The following MTO1 variants were observed in gnomAD, a reference collection of about 807,000 sequenced individuals.
The protein encoded by MTO1 is 5-taurinomethyluridine-[tRNA] synthase subunit MTO1, mitochondrial.
A neutral mutation model predicts 71.6 loss-of-function variants in MTO1; 46 were observed. That is an observed-to-expected ratio of 0.64 (90% CI 0.51 to 0.82). MTO1 has a LOEUF of 0.82. Ranked by LOEUF, MTO1 falls within the 40% of genes least tolerant of loss-of-function variation. MTO1 has a pLI of 0.00. For missense variants in MTO1, 773 were observed against 867.5 expected, an observed-to-expected ratio of 0.89 and a Z score of 1.37; for synonymous variants, 297 against 312.1, an observed-to-expected ratio of 0.95 and a Z score of 0.51.
At chr6:73,468,683 C>T (rs1245941016) in intron 3 of MTO1, among the ~76,000 whole-genome samples, 1 of 151,938 alleles carries the variant, frequency 6.6e-6, no homozygotes, top group Non-Finnish European at 1.5e-5. Flanking sequence ...TCTTGGCTCA[C>T]TGCAACCTCC....
intron 7 of MTO1, 99 bp downstream of exon 7, chr6:73,480,904 A>G (rs12204785): frequency 0.017 from 21,191 of 1,283,796 alleles, 204 homozygotes; most frequent in South Asian, 0.022. Context: ...CTTAGATACA[A>G]TTCATACTAA....
chr6:73,482,474 C>A lies in MTO1; in HGVS notation c.1491C>A (p.Ser497=). ...LRGYKDAGCV[S]QQRYERACWM... is the part of the protein sequence containing the mutation. ...GGTATAAAGACGCTGGCTGTGTGTCCCAACAACGATATGAAAGAGCTTGTT... is the reference window on the plus strand; with the variant it reads ...GGTATAAAGACGCTGGCTGTGTGTCACAACAACGATATGAAAGAGCTTGTT... The change falls in exon 9 of 12, where the codon TCC becomes TCA. Residue 497 remains serine (S), a synonymous_variant. Transcript: ENST00000498286. The A allele has an allele frequency of 2.5e-6, 4 of 1,613,104 alleles. No homozygotes were observed. The highest frequency in any genetic ancestry group is 1.8e-4 in the Middle Eastern group (1 of 5,714).
At chr6:73,484,267 A>G (rs1013113386) in intron 9 of MTO1, among the ~76,000 whole-genome samples, 3 of 152,206 alleles carry the variant, frequency 2.0e-5, no homozygotes, top group Non-Finnish European at 4.4e-5. Context: ...TCAGACTGCT[A>G]TAACAAAACA....
chr6:73,499,151 A>G (rs1772084342), intron 11 of MTO1, among the ~76,000 whole-genome samples: 1 of 152,204 alleles, frequency 6.6e-6, no homozygotes, highest in South Asian at 2.1e-4. Context: ...AAAATTTGAA[A>G]AAAACTATTT....
Position 73,473,513 on chromosome 6 carries a change from A to G in MTO1, c.684A>G (p.Leu228=). The G allele has an allele frequency of 3.1e-6, 5 of 1,614,076 alleles. No homozygotes were observed. The highest frequency in any genetic ancestry group is 1.7e-6 in the Non-Finnish European group (2 of 1,180,020). Residue 228 remains leucine (L), a synonymous_variant, in exon 4 of 12, where the codon TTA becomes TTG. Coordinates refer to ENST00000498286, the MANE Select transcript of MTO1 (RefSeq NM_012123.4). ...SIGLAQTLEK[L]GFVVGRLKTG... is the part of the protein sequence containing the mutation. ...GATTGGCTCAGACACTGGAGAAGTT[A>G]GGGTTTGTGGTGGGAAGGTTGAAGA... is the stretch of plus-strand genomic sequence containing the variant.
chr6:73,473,147 C>T (rs944586474), intron 3 of MTO1, among the ~76,000 whole-genome samples: 1 of 152,092 alleles, frequency 6.6e-6, no homozygotes, highest in Non-Finnish European at 1.5e-5. Context: ...AGCGTGGTGG[C>T]GCATGCCTGT....
intron 9 of MTO1, among the ~76,000 whole-genome samples, chr6:73,489,391 T>G (rs1771745216): frequency 6.6e-6 from 1 of 151,746 alleles, no homozygotes; most frequent in East Asian, 1.9e-4. Context: ...ACCTGTTAAC[T>G]CGACATTTAC....
At chr6:73,479,061 G>A (rs1283575010) in intron 4 of MTO1, among the ~76,000 whole-genome samples, 2 of 149,718 alleles carry the variant, frequency 1.3e-5, no homozygotes, top group Non-Finnish European at 3.0e-5. Context: ...GCTAATTTTT[G>A]TCTTTTTAGT....
intron 7 of MTO1, among the ~76,000 whole-genome samples, chr6:73,481,636 C>A (rs1479357782): frequency 6.6e-6 from 1 of 151,898 alleles, no homozygotes; most frequent in Non-Finnish European, 1.5e-5. Flanking sequence ...GGTGTGACGG[C>A]ATGTGCCTAT....
intron 3 of MTO1, among the ~76,000 whole-genome samples, chr6:73,468,455 A>T (rs1214736278): frequency 1.3e-5 from 2 of 151,668 alleles, no homozygotes; most frequent in African/African-American, 4.8e-5. Flanking sequence ...TTTAATGTCC[A>T]ATTTTCCTTC....
At chr6:73,474,034 C>G (rs928698930) in intron 4 of MTO1, among the ~76,000 whole-genome samples, 4 of 151,124 alleles carry the variant, frequency 2.6e-5, no homozygotes, top group Non-Finnish European at 5.9e-5. Flanking sequence ...GATCCACCCC[C>G]CTTGGCCTCC....
Position 73,492,290 on chromosome 6 carries a change from T to C in MTO1, c.1694T>C (p.Val565Ala). 6.2e-7 allele frequency: 1 copy of C among 1,613,948 alleles called. No homozygotes were observed. The highest frequency in any genetic ancestry group is 8.5e-7 in the Non-Finnish European group (1 of 1,179,886). The change falls in exon 10 of 12, where the codon GTT becomes GCT. Residue 565 changes from valine (V) to alanine (A), a missense_variant. Coordinates refer to ENST00000498286, the MANE Select transcript of MTO1 (RefSeq NM_012123.4). ...GACATGGATTCATTAGCCAAGGCTG[T>C]TCCAGAGCCCTTGAAGAAGTATACT... ...EVDMDSLAKA[V>A]PEPLKKYTKC...
intron 9 of MTO1, among the ~76,000 whole-genome samples, chr6:73,488,426 G>A (rs1241530467): frequency 3.3e-5 from 5 of 151,994 alleles, no homozygotes; most frequent in African/African-American, 1.2e-4. Flanking sequence ...TCCCACCTTG[G>A]TCTCCCAAAG....
chr6:73,480,635 C>T (rs201848621), intron 6 of MTO1, 40 bp from the exon 7 acceptor site: 49 of 1,609,282 alleles, frequency 3.0e-5, no homozygotes, highest in Middle Eastern at 1.7e-4. Flanking sequence ...GCAAATCCAG[C>T]TCTGTATTTA....
chr6:73,474,501 C>A (rs182386429), intron 4 of MTO1, among the ~76,000 whole-genome samples: 1 of 151,896 alleles, frequency 6.6e-6, no homozygotes, highest in African/African-American at 2.4e-5. Context: ...CCTGCTGGAG[C>A]GCAATGGTGA....
intron 9 of MTO1, chr6:73,487,754 T>A (rs1182378998): frequency 1.3e-5 from 2 of 152,010 alleles, no homozygotes; most frequent in Non-Finnish European, 2.9e-5. Context: ...ATATTGATGC[T>A]GAACTTAGTG....
intron 1 of MTO1, among the ~76,000 whole-genome samples, chr6:73,463,922 G>A (rs1032790071): frequency 1.3e-5 from 2 of 151,852 alleles, no homozygotes; most frequent in Non-Finnish European, 1.5e-5. Flanking sequence ...TGTATTTTTA[G>A]TAGAGATGGG....
At position 73,480,679 on chromosome 6, in the gene MTO1, CG is replaced by C. The variant is rs746293185; in HGVS notation, c.1136del (p.Gly379ValfsTer7). ...EKAKVIQPGYGVQYDYLDPRQ... is the reference protein window; with the variant it reads ...EKAKVIQPGYXVQYDYLDPRQ... ...ATGTCTTTGTTCTTTGGTCAGGCTA[CG>C]GTGTTCAGTATGATTACTTAGATCC... On this transcript the variant is annotated frameshift_variant, in exon 7 of 12. Transcript: ENST00000498286. LOFTEE classifies it high-confidence loss of function. The C allele has an allele frequency of 1.9e-6, 3 of 1,613,728 alleles. No homozygotes were observed. The Admixed American group carries it at 5.0e-5, about 27-fold the overall frequency.
intron 11 of MTO1, among the ~76,000 whole-genome samples, chr6:73,498,329 G>T (rs1298558262): frequency 6.6e-6 from 1 of 151,728 alleles, no homozygotes; most frequent in Non-Finnish European, 1.5e-5. Flanking sequence ...GTCAAGAATT[G>T]GTTTGATTGG....
Sources: allele counts gnomAD v4.1 joint callset (sites outside exome capture counted in the v4.1 genomes callset), GRCh38; gene constraint gnomAD v4.1.1; transcripts MANE v1.5; gene names NCBI Gene and HGNC (gene_info 2026-07-23, HGNC 2026-07-21).